SAMD5: variants seen among roughly 807,000 people sequenced by gnomAD.
The protein encoded by SAMD5 is sterile alpha motif domain-containing protein 5.
In SAMD5, 13 loss-of-function variants were observed where a neutral mutation model predicts 11.3. The ratio of observed to expected loss-of-function variants is 1.15; its 90% CI spans 0.75 to 1.83. SAMD5 has a LOEUF of 1.83. Among genes scored for constraint, SAMD5 ranks in the 40% most tolerant of loss-of-function variants. The pLI is 0.00. For synonymous variants in SAMD5, 129 were observed against 111.3 expected, an observed-to-expected ratio of 1.16 and a Z score of -1.00; for missense variants, 255 against 239.1, an observed-to-expected ratio of 1.07 and a Z score of -0.44.
At chr6:147,863,110 G>A in the SAMD5 span, among the ~76,000 whole-genome samples, 1 of 152,284 alleles carries the variant, frequency 6.6e-6, no homozygotes, top group African/African-American at 2.4e-5. Context: ...TTTGGAGGAA[G>A]AAATCATTCA....
chr6:147,665,131 C>T (rs1790699852), intron 1 of SAMD5, among the ~76,000 whole-genome samples: 1 of 152,204 alleles, frequency 6.6e-6, no homozygotes, highest in South Asian at 2.1e-4. Flanking sequence ...ACTGTATTGC[C>T]TTTACTGTGT....
chr6:147,657,153 A>G (rs1790582891), intron 1 of SAMD5, among the ~76,000 whole-genome samples: 1 of 152,162 alleles, frequency 6.6e-6, no homozygotes, highest in South Asian at 2.1e-4. Context: ...AAGAGAGTAT[A>G]AGGAAGCTAC....
chr6:147,553,905 C>T (rs1033520339), intron 1 of SAMD5, among the ~76,000 whole-genome samples: 23 of 152,004 alleles, frequency 1.5e-4, no homozygotes, highest in East Asian at 1.9e-4. Flanking sequence ...GGTAATGGGA[C>T]GGAAAACAAC....
At chr6:147,757,744 A>T in the SAMD5 span, among the ~76,000 whole-genome samples, 1 of 152,178 alleles carries the variant, frequency 6.6e-6, no homozygotes, top group South Asian at 2.1e-4. Context: ...TGGAAATTTT[A>T]AGGGTTTTTA....
At chr6:147,939,655 G>A in the SAMD5 span, among the ~76,000 whole-genome samples, 3 of 152,140 alleles carry the variant, frequency 2.0e-5, no homozygotes, top group Non-Finnish European at 4.4e-5. Context: ...AGGAGAAATA[G>A]TAGCAAGAGA....
chr6:147,789,115 C>G, the SAMD5 span, among the ~76,000 whole-genome samples: 2 of 148,024 alleles, frequency 1.4e-5, no homozygotes, highest in Non-Finnish European at 3.0e-5. Context: ...AAAAAAACAC[C>G]ACCATCCAGG....
At chr6:147,811,552 G>A in the SAMD5 span, among the ~76,000 whole-genome samples, 1 of 152,136 alleles carries the variant, frequency 6.6e-6, no homozygotes, top group African/African-American at 2.4e-5. Flanking sequence ...GATTGGAGGA[G>A]AGAGGCTTCC....
In SAMD5 at chr6:147,566,635, A is replaced by ATTATTTTCAATTATTTTG. The variant is rs1197813838; in HGVS notation, c.*2179_*2180insTTATTTTCAATTATTTTG. 2 of 980,104 alleles carry ATTATTTTCAATTATTTTG rather than the reference A, an allele frequency of 2.0e-6. No individual in the cohort carries two copies. Among genetic ancestry groups the ATTATTTTCAATTATTTTG allele is most frequent in the Admixed American group, 6.1e-5 (1 of 16,266 alleles). 60.7% of individuals were successfully genotyped at this position (980,104 alleles called of 1,614,324 possible). A position where few individuals can be genotyped will look rare whatever the true frequency, so the allele number is the denominator to read the frequency against. ...ACTTCAATTATTTTGCCAGGTTTAA[A>ATTATTTTCAATTATTTTG]CCTTCTCTCTGTGTCTGTGGTTAGA... On this transcript the variant is annotated 3_prime_UTR_variant, in exon 2 of 2. Coordinates refer to ENST00000367474, the MANE Select transcript of SAMD5 (RefSeq NM_001030060.3).
chr6:147,694,580 G>C (rs977080564), intron 1 of SAMD5, among the ~76,000 whole-genome samples: 3 of 151,786 alleles, frequency 2.0e-5, no homozygotes, highest in Non-Finnish European at 2.9e-5. Flanking sequence ...ACTTTGGGAG[G>C]CCAAGGTGGG....
chr6:147,558,804 C>T (rs1175012456), intron 1 of SAMD5, among the ~76,000 whole-genome samples: 1 of 152,172 alleles, frequency 6.6e-6, no homozygotes, highest in East Asian at 1.9e-4. Context: ...GGCTAACTCC[C>T]ACCTCATCTA....
intron 1 of SAMD5, among the ~76,000 whole-genome samples, chr6:147,611,760 C>T (rs1460627578): frequency 6.6e-6 from 1 of 152,122 alleles, no homozygotes; most frequent in Non-Finnish European, 1.5e-5. Context: ...TCCTCAGAGT[C>T]ACCTGAAGTA....
intron 1 of SAMD5, among the ~76,000 whole-genome samples, chr6:147,728,693 A>G (rs1791664810): frequency 2.0e-5 from 3 of 152,206 alleles, no homozygotes; most frequent in Admixed American, 6.5e-5. Flanking sequence ...AGGAGACTTA[A>G]CACATCAAAT....
At chr6:147,852,232 A>G in the SAMD5 span, among the ~76,000 whole-genome samples, 8 of 152,156 alleles carry the variant, frequency 5.3e-5, no homozygotes, top group African/African-American at 1.9e-4. Context: ...CCATAAATAC[A>G]GCTGTATTTA....
At chr6:147,762,866 G>T in the SAMD5 span, among the ~76,000 whole-genome samples, 61 of 152,296 alleles carry the variant, frequency 4.0e-4, no homozygotes, top group East Asian at 8.5e-3. Context: ...TATTTGCTGT[G>T]TTCAGGGAGT....
chr6:147,793,152 A>G, the SAMD5 span, among the ~76,000 whole-genome samples: 1 of 151,184 alleles, frequency 6.6e-6, no homozygotes, highest in Non-Finnish European at 1.5e-5. Context: ...CAAGGTCAAC[A>G]TCAACAACAA....
At chr6:147,870,240 C>G in the SAMD5 span, among the ~76,000 whole-genome samples, 1 of 151,970 alleles carries the variant, frequency 6.6e-6, no homozygotes, top group Non-Finnish European at 1.5e-5. Context: ...ATGCATCTAG[C>G]ACGGTGCTGG....
intron 1 of SAMD5, among the ~76,000 whole-genome samples, chr6:147,643,744 A>AAG (rs1790348336): frequency 1.7e-5 from 2 of 115,998 alleles, no homozygotes; most frequent in Non-Finnish European, 3.6e-5. Context: ...AGGGAAGGAA[A>AAG]GAAGGAAGGA....
intron 1 of SAMD5, among the ~76,000 whole-genome samples, chr6:147,556,285 G>A (rs1788854810): frequency 6.6e-6 from 1 of 151,952 alleles, no homozygotes; most frequent in Admixed American, 6.6e-5. Context: ...GTAGAGACGG[G>A]GTTTCACCGT....
At chr6:147,923,324 G>A in the SAMD5 span, among the ~76,000 whole-genome samples, 1 of 152,152 alleles carries the variant, frequency 6.6e-6, no homozygotes, top group Non-Finnish European at 1.5e-5. Flanking sequence ...ATTTTAGCAT[G>A]AGCTTAGTTA....
Sources: gnomAD v4.1 joint callset for allele counts (sites outside exome capture counted in the v4.1 genomes callset) on GRCh38, gnomAD v4.1.1 for gene constraint, MANE v1.5 for transcripts, NCBI Gene and HGNC (gene_info 2026-07-23, HGNC 2026-07-21) for gene names.